The following TEC variants were observed in gnomAD, a reference collection of about 807,000 sequenced individuals.
The protein encoded by TEC is tyrosine-protein kinase Tec.
TEC carries 72 observed loss-of-function variants against 93.0 expected under a neutral mutation model. That is an observed-to-expected ratio of 0.77 (90% CI 0.64 to 0.94). The LOEUF (loss-of-function observed/expected upper bound fraction) is 0.94, where lower values mean the gene tolerates loss of function less well. TEC is among the 40% of genes least tolerant of loss of function. TEC has a pLI of 0.00. For synonymous variants in TEC, 249 were observed against 247.7 expected, an observed-to-expected ratio of 1.01 and a Z score of -0.05; for missense variants, 630 against 757.9, an observed-to-expected ratio of 0.83 and a Z score of 1.98.
intron 2 of TEC, among the ~76,000 whole-genome samples, chr4:48,227,488 C>T (rs558515016): frequency 6.6e-6 from 1 of 151,796 alleles, no homozygotes; most frequent in South Asian, 2.1e-4. Flanking sequence ...ACTAAAAATC[C>T]AAAAATTAGC....
At chr4:48,145,736 A>G (rs556913830) in intron 12 of TEC, among the ~76,000 whole-genome samples, 157 bp from the exon 13 acceptor site, 3 of 152,368 alleles carry the variant, frequency 2.0e-5, no homozygotes, top group Admixed American at 2.0e-4. Context: ...TGAAACCTGC[A>G]TCTGAACTGC....
At chr4:48,148,297 G>T (rs1299388582) in intron 11 of TEC, among the ~76,000 whole-genome samples, 3 of 152,066 alleles carry the variant, frequency 2.0e-5, no homozygotes, top group Non-Finnish European at 2.9e-5. Flanking sequence ...AAAGTGAACA[G>T]TCACAAAATA....
chr4:48,178,201 C>T (rs572145517), intron 2 of TEC, among the ~76,000 whole-genome samples: 10 of 111,668 alleles, frequency 9.0e-5, no homozygotes, highest in South Asian at 3.7e-4. Flanking sequence ...GAGAACCCAG[C>T]GGCCTCAAAC....
intron 7 of TEC, among the ~76,000 whole-genome samples, chr4:48,166,996 A>AAG (rs1720896434): frequency 1.3e-5 from 2 of 151,980 alleles, no homozygotes; most frequent in African/African-American, 2.4e-5. Flanking sequence ...TGGCAGGACA[A>AAG]AAAGTTCTCC....
At chr4:48,165,008 C>A (rs550258612) in intron 7 of TEC, among the ~76,000 whole-genome samples, 10 of 151,408 alleles carry the variant, frequency 6.6e-5, no homozygotes, top group Non-Finnish European at 1.5e-4. Flanking sequence ...GAGACTCCAT[C>A]TCAAAAAAAA....
Position 48,268,117 on chromosome 4 carries a change from C to G in TEC, c.-46+1635G>C, listed in dbSNP as rs569658211. Among the ~76,000 whole-genome samples the G allele has an allele frequency of 5.9e-5, 9 of 152,366 alleles. No individual in the cohort carries two copies. In the East Asian group the frequency reaches 1.7e-3, roughly 29 times the overall value. ...CTTTATTTTCCACGGTTTGGTAAAACATAGCTGCTGCCCTTGAGTAACTAG... is the reference window on the plus strand; with the variant it reads ...CTTTATTTTCCACGGTTTGGTAAAAGATAGCTGCTGCCCTTGAGTAACTAG... On this transcript the variant is annotated intron_variant, in intron 1 of 17. Coordinates refer to ENST00000381501, the MANE Select transcript of TEC (RefSeq NM_003215.3).
At chr4:48,166,120 G>C (rs1454982299) in intron 7 of TEC, among the ~76,000 whole-genome samples, 1 of 152,206 alleles carries the variant, frequency 6.6e-6, no homozygotes, top group Non-Finnish European at 1.5e-5. Flanking sequence ...TGAGGCTGAA[G>C]GTGTGGCCAT....
chr4:48,185,911 G>C (rs948131940), intron 2 of TEC, among the ~76,000 whole-genome samples: 17 of 150,282 alleles, frequency 1.1e-4, no homozygotes, highest in Admixed American at 2.7e-4. Flanking sequence ...TGTGAAAGCC[G>C]AGGCTGGACT....
Position 48,138,739 on chromosome 4 carries a change from G to C in TEC, c.1738C>G (p.Arg580Gly). The C allele has an allele frequency of 6.2e-7, 1 of 1,614,020 alleles. No individual in the cohort carries two copies. The highest frequency in any genetic ancestry group is 2.2e-5 in the East Asian group (1 of 44,892). The stretch of plus-strand genomic sequence containing the variant: ...TTCGGCTGGTAGAGTCGGTGGCCTC[G>C]AGTAACCATGGTTACCACTTCATAA... ...TNYEVVTMVTRGHRLYQPKLA... is the reference protein window; with the variant it reads ...TNYEVVTMVTGGHRLYQPKLA... Residue 580 changes from arginine to glycine, a missense_variant, in exon 17 of 18, where the codon CGA becomes GGA. Physicochemically the swap from Arg to Gly is moderately radical, Grantham distance 125. Coordinates refer to ENST00000381501, the MANE Select transcript of TEC (RefSeq NM_003215.3).
At chr4:48,237,334 AG>A (rs1723813329) in intron 1 of TEC, among the ~76,000 whole-genome samples, 1 of 148,966 alleles carries the variant, frequency 6.7e-6, no homozygotes, top group East Asian at 1.9e-4. Flanking sequence ...AAAAAAAAAG[AG>A]AGAGAGAGAA....
chr4:48,199,062 TC>T (rs1237669986), intron 2 of TEC, among the ~76,000 whole-genome samples: 1 of 152,208 alleles, frequency 6.6e-6, no homozygotes, highest in Non-Finnish European at 1.5e-5. Flanking sequence ...GCAGGTATTT[TC>T]TCCTTTTACA....
intron 2 of TEC, among the ~76,000 whole-genome samples, chr4:48,216,883 T>A (rs1373663331): frequency 6.6e-6 from 1 of 152,212 alleles, no homozygotes; most frequent in Non-Finnish European, 1.5e-5. Context: ...AAAACACAAC[T>A]ATCACAGCCA....
At chr4:48,167,262 TACACACATATAGAC>T (rs1720905885) in intron 7 of TEC, among the ~76,000 whole-genome samples, 2 of 152,000 alleles carry the variant, frequency 1.3e-5, no homozygotes. Context: ...CAAACACATA[TACACACATATAGAC>T]ACACACATAT....
intron 1 of TEC, among the ~76,000 whole-genome samples, chr4:48,236,919 T>C (rs1451556479): frequency 6.6e-6 from 1 of 152,222 alleles, no homozygotes. Flanking sequence ...AAACAAATAA[T>C]TTTTTATGGA....
chr4:48,167,721 T>C (rs1457165285), intron 7 of TEC, 57 bp downstream of exon 7: 7 of 1,536,340 alleles, frequency 4.6e-6, no homozygotes, highest in African/African-American at 1.4e-5. Flanking sequence ...TACTTCTCAC[T>C]CAACACTTGA....
At chr4:48,221,292 A>G (rs34253217) in intron 2 of TEC, among the ~76,000 whole-genome samples, 96,691 of 152,006 alleles carry the variant, frequency 0.64, 30,885 homozygotes, top group Admixed American at 0.69. Context: ...CCAGTGAGAC[A>G]TAATTGAATC....
chr4:48,228,402 A>T, intron 2 of TEC, 75 bp downstream of exon 2: 1 of 1,436,190 alleles, frequency 7.0e-7, no homozygotes, highest in Non-Finnish European at 9.2e-7. Flanking sequence ...TTTCAATAAG[A>T]TTGGAGAGGC....
intron 14 of TEC, among the ~76,000 whole-genome samples, chr4:48,143,559 A>G (rs371296993): frequency 3.3e-5 from 5 of 152,370 alleles, no homozygotes; most frequent in African/African-American, 1.2e-4. Flanking sequence ...CAGTCCTGGA[A>G]GCCAAACAAC....
rs1269080329 is a variant in TEC, at chr4:48,171,826, A to G, written c.244-377T>C. On this transcript the variant is annotated intron_variant, in intron 3 of 17. Transcript: ENST00000381501. ...ATCACTCTTATAGTTTCCTTTTGCC[A>G]CTATCAATAATTGCAGTAGCTAACT... Among the ~76,000 whole-genome samples the G allele has an allele frequency of 3.9e-5, 6 of 152,360 alleles. No individual in the cohort carries two copies. In the East Asian group the frequency reaches 9.6e-4, roughly 24 times the overall value.
Sources: allele counts gnomAD v4.1 joint callset (sites outside exome capture counted in the v4.1 genomes callset), GRCh38; gene constraint gnomAD v4.1.1; transcripts MANE v1.5; gene names NCBI Gene and HGNC (gene_info 2026-07-23, HGNC 2026-07-21).